The following RPGRIP1 variants were observed in gnomAD, a reference collection of about 807,000 sequenced individuals.
RPGRIP1 encodes the protein RPGR interacting protein 1.
A neutral mutation model predicts 157.9 loss-of-function variants in RPGRIP1; 128 were observed. The ratio of observed to expected loss-of-function variants is 0.81; its 90% confidence interval spans 0.70 to 0.94. RPGRIP1 has a LOEUF of 0.94. Among genes scored for constraint, RPGRIP1 ranks in the 40% least tolerant of loss-of-function variants. The probability of loss-of-function intolerance (pLI) is 0.00; values close to 1 mark genes in which losing one functional copy is unlikely to be tolerated. For synonymous variants in RPGRIP1, 554 were observed against 571.6 expected (o/e 0.97, Z 0.44); for missense variants, 1,486 against 1,545.8 (o/e 0.96, Z 0.65).
Position 21,311,853 on chromosome 14 carries a change from G to T in RPGRIP1, c.960G>T (p.Glu320Asp), listed in dbSNP as rs745385433. ...AGGGAATCCTGAGTGCAGCCCATGAGGCCCTCCTCAAGCAAGTGAATGAGC... is the reference window on the plus strand; with the variant it reads ...AGGGAATCCTGAGTGCAGCCCATGATGCCCTCCTCAAGCAAGTGAATGAGC... ...KNQGILSAAH[E>D]ALLKQVNELR... Residue 320 changes from glutamate to aspartate, a missense_variant, in exon 9 of 25, where the codon GAG becomes GAT. Glu to Asp is a conservative substitution (Grantham distance 45, BLOSUM62 2). Coordinates refer to ENST00000400017, the MANE Select transcript of RPGRIP1 (RefSeq NM_020366.4). The T allele has an allele frequency of 2.5e-6, 4 of 1,609,942 alleles. No homozygotes were observed. The African/African-American group carries it at 5.3e-5, about 22-fold the overall frequency.
chr14:21,282,501 G>T (rs1240364323), intron 1 of RPGRIP1, among the ~76,000 whole-genome samples: 1 of 151,974 alleles, frequency 6.6e-6, no homozygotes, highest in Non-Finnish European at 1.5e-5. Flanking sequence ...CTCCCATAGT[G>T]CTGGGATTAC....
chr14:21,348,490 C>T (rs1885793776), intron 24 of RPGRIP1, among the ~76,000 whole-genome samples, 188 bp downstream of exon 24: 1 of 152,020 alleles, frequency 6.6e-6, no homozygotes, highest in Non-Finnish European at 1.5e-5. Context: ...ATTTTTACCC[C>T]CATATACCTG....
At chr14:21,282,026 C>T (rs560371041) in intron 1 of RPGRIP1, among the ~76,000 whole-genome samples, 7 of 152,120 alleles carry the variant, frequency 4.6e-5, no homozygotes, top group Admixed American at 3.9e-4. Context: ...ACCCGGGAAG[C>T]GGAGGTTGCA....
At chr14:21,293,229 C>T (rs752047968) in intron 2 of RPGRIP1, among the ~76,000 whole-genome samples, 2 of 152,262 alleles carry the variant, frequency 1.3e-5, no homozygotes, top group Non-Finnish European at 2.9e-5. Context: ...GGCCAGTGAA[C>T]ACTCACAATG....
At chr14:21,297,627 C>A (rs1202772177) in intron 3 of RPGRIP1, among the ~76,000 whole-genome samples, 2 of 152,102 alleles carry the variant, frequency 1.3e-5, no homozygotes, top group Non-Finnish European at 2.9e-5. Context: ...AACAGTTGAG[C>A]AAGCTGGGCT....
chr14:21,342,289 C>T (rs1051387893), intron 21 of RPGRIP1, among the ~76,000 whole-genome samples: 11 of 152,032 alleles, frequency 7.2e-5, no homozygotes, highest in African/African-American at 2.7e-4. Flanking sequence ...TGCCTCTCAT[C>T]TCAGCCACTT....
At chr14:21,306,793 T>G in intron 6 of RPGRIP1, among the ~76,000 whole-genome samples, 1 of 148,708 alleles carries the variant, frequency 6.7e-6, no homozygotes, top group Non-Finnish European at 1.5e-5. Context: ...CATTATTTTT[T>G]GAGACAGTCT....
chr14:21,340,721 A>G (rs1045296148), intron 21 of RPGRIP1, among the ~76,000 whole-genome samples: 9 of 152,164 alleles, frequency 5.9e-5, no homozygotes, highest in African/African-American at 1.9e-4. Context: ...AGGCTTTTAT[A>G]CATTTTTTAT....
rs1359675695 is a variant in RPGRIP1 at position 21,287,962 on chromosome 14, T to C, written c.-15T>C. 1.3e-6 allele frequency: 2 copies of C among 1,591,946 alleles called. No individual in the cohort carries two copies. The highest frequency in any genetic ancestry group is 3.4e-5 in the Admixed American group (2 of 59,262). On this transcript the variant is annotated 5_prime_UTR_variant, in exon 2 of 25. Coordinates refer to ENST00000400017, the MANE Select transcript of RPGRIP1 (RefSeq NM_020366.4). Reference sequence around the variant, plus strand: ...AGTGTCCTCTGGGATCTCTTACAGCTTGGGAACAGAGATCATGTCACATCT... The same window carrying C: ...AGTGTCCTCTGGGATCTCTTACAGCCTGGGAACAGAGATCATGTCACATCT...
rs141299000 is a variant in RPGRIP1, at chr14:21,297,890, T to C, written c.219-3076T>C. Among the ~76,000 whole-genome samples, 932 of 151,598 alleles carry C rather than the reference T, an allele frequency of 6.1e-3. 11 individuals are homozygous for C. The highest frequency in any genetic ancestry group is 0.02 in the African/African-American group (809 of 41,288). On this transcript the variant is annotated intron_variant, in intron 3 of 24. Transcript: ENST00000400017. ...CTTTCTTTCTTTCTTTTTTTTGAGA[T>C]AGGGTCTCACTCTGGCACACAGGCT...
intron 8 of RPGRIP1, 137 bp from the exon 9 acceptor site, chr14:21,311,687 C>T (rs1434974453): frequency 1.8e-6 from 1 of 562,998 alleles, no homozygotes; most frequent in Non-Finnish European, 2.9e-6. Flanking sequence ...GGTTAACGAA[C>T]AGTACAAAGG....
chr14:21,343,163 C>T lies in RPGRIP1; in HGVS notation c.3467C>T (p.Thr1156Ile). The change falls in exon 22 of 25, where the codon ACA becomes ATA. Residue 1156 changes from threonine (T) to isoleucine (I), a missense_variant. Physicochemically the swap from Thr to Ile is moderately conservative, Grantham distance 89 (BLOSUM62 -1). Coordinates refer to ENST00000400017, the MANE Select transcript of RPGRIP1 (RefSeq NM_020366.4). ...YKFYDLPLSETETPVSLRKPR... is the reference protein window; with the variant it reads ...YKFYDLPLSEIETPVSLRKPR... Reference sequence around the variant, plus strand: ...TTCTACGACCTACCCTTGTCGGAGACAGAGACTCCAGTGTCCCTAAGGAAG... The same window carrying T: ...TTCTACGACCTACCCTTGTCGGAGATAGAGACTCCAGTGTCCCTAAGGAAG... 6.2e-7 allele frequency: 1 copy of T among 1,613,650 alleles called. No individual in the cohort carries two copies. Among genetic ancestry groups the T allele is most frequent in the Non-Finnish European group, 8.5e-7 (1 of 1,179,710 alleles).
In RPGRIP1 at chr14:21,301,157, G is replaced by A. The variant is rs1401332285; in HGVS notation, c.410G>A (p.Arg137His). The A allele has an allele frequency of 6.3e-7, 1 of 1,593,742 alleles. No homozygotes were observed. Among genetic ancestry groups the A allele is most frequent in the Non-Finnish European group, 8.5e-7 (1 of 1,170,572 alleles). ...HFHCVGPASP[R>H]RAQPRVQVGH... is the part of the protein sequence containing the mutation. ...CACTGCGTCGGCCCTGCCAGCCCCCGCCGCGCCCAGCCTCGCGTCCAAGTG... is the reference window on the plus strand; with the variant it reads ...CACTGCGTCGGCCCTGCCAGCCCCCACCGCGCCCAGCCTCGCGTCCAAGTG... The change falls in exon 4 of 25, where the codon CGC becomes CAC. Residue 137 changes from arginine to histidine, a missense_variant. Coordinates refer to ENST00000400017, the MANE Select transcript of RPGRIP1 (RefSeq NM_020366.4).
At chr14:21,308,836 T>C (rs1247379649) in intron 7 of RPGRIP1, among the ~76,000 whole-genome samples, 4 of 152,122 alleles carry the variant, frequency 2.6e-5, no homozygotes, top group Admixed American at 6.5e-5. Flanking sequence ...GCTCAGGGGA[T>C]TGGTTTGACC....
chr14:21,304,313 C>CA lies in RPGRIP1; in HGVS notation c.800+784dup, dbSNP rs760147376. On this transcript the variant is annotated intron_variant, in intron 6 of 24. Coordinates refer to ENST00000400017, the MANE Select transcript of RPGRIP1 (RefSeq NM_020366.4). ...CTGGGCAACAAGAGCAAAACTCTGT[C>CA]AAAAAAAAAAAAAAGAGGAAAGAAG... 7.7e-3 allele frequency among the ~76,000 whole-genome samples: 317 copies of CA among 41,282 alleles called. 1 individual carries two copies. The Middle Eastern group carries it at 0.079, about 10-fold the overall frequency. The allele number at this position is 41,282 out of a possible 152,430, so 27.1% of individuals were successfully genotyped here. A position where few individuals can be genotyped will look rare whatever the true frequency, so the allele number is the denominator to read the frequency against.
intron 1 of RPGRIP1, among the ~76,000 whole-genome samples, chr14:21,287,661 C>T (rs935998345): frequency 5.9e-5 from 9 of 152,104 alleles, no homozygotes; most frequent in Admixed American, 6.6e-5. Context: ...GGATGGTCAT[C>T]GGCTTCCAGG....
chr14:21,328,517 C>A lies in RPGRIP1; in HGVS notation c.2989C>A (p.His997Asn). 6.2e-7 allele frequency: 1 copy of A among 1,613,382 alleles called. No individual in the cohort carries two copies. Among genetic ancestry groups the A allele is most frequent in the Non-Finnish European group, 8.5e-7 (1 of 1,179,506 alleles). Residue 997 changes from histidine to asparagine, a missense_variant, in exon 19 of 25, where the codon CAC becomes AAC. By Grantham distance (68) the His-to-Asn change is moderately conservative. Coordinates refer to ENST00000400017, the MANE Select transcript of RPGRIP1 (RefSeq NM_020366.4). ...TGGGGGAGAAAGAAAGGAGAAGGAG[C>A]ACCAGGTTGTGAGCTACTCAAGAAG... Reference protein sequence around the residue: ...PHGGERKEKEHQVVSYSRRKH... With the variant: ...PHGGERKEKENQVVSYSRRKH...
intron 23 of RPGRIP1, among the ~76,000 whole-genome samples, chr14:21,345,844 G>A (rs1418199789): frequency 6.6e-6 from 1 of 151,902 alleles, no homozygotes; most frequent in Non-Finnish European, 1.5e-5. Flanking sequence ...TTTTGAGACA[G>A]TGTCTCACTC....
At chr14:21,291,885 G>A (rs574159553) in intron 2 of RPGRIP1, among the ~76,000 whole-genome samples, 5 of 152,042 alleles carry the variant, frequency 3.3e-5, no homozygotes, top group Admixed American at 1.3e-4. Flanking sequence ...TCAGCCTCCC[G>A]AGTAGCTGGG....
Sources: allele counts gnomAD v4.1 joint callset (sites outside exome capture counted in the v4.1 genomes callset), GRCh38; gene constraint gnomAD v4.1.1; transcripts MANE v1.5; gene names NCBI Gene and HGNC (gene_info 2026-07-23, HGNC 2026-07-21).